The following FAM149A variants were observed in gnomAD, a reference collection of about 807,000 sequenced individuals.
FAM149A encodes family with sequence similarity 149 member A, also known as protein FAM149A.
Under a neutral mutation model 78.2 loss-of-function variants are expected in FAM149A, and 71 were observed. The ratio of observed to expected loss-of-function variants is 0.91; its 90% CI spans 0.75 to 1.11. FAM149A has a LOEUF of 1.11. Among genes scored for constraint, FAM149A ranks in the 50% least tolerant of loss-of-function variants. The pLI, the probability that FAM149A is intolerant of heterozygous loss-of-function variation, is 0.00. For missense variants in FAM149A, 1,036 were observed against 971.0 expected, an observed-to-expected ratio of 1.07 and a Z score of -0.89; for synonymous variants, 446 against 410.5, an observed-to-expected ratio of 1.09 and a Z score of -1.04.
intron 1 of FAM149A, among the ~76,000 whole-genome samples, chr4:186,124,741 T>A (rs916501424): frequency 3.3e-5 from 5 of 152,226 alleles, no homozygotes; most frequent in African/African-American, 1.2e-4. Context: ...CACGTGTCTT[T>A]ATAGCAGCAT....
In FAM149A at chr4:186,141,957, G is replaced by A. The variant is rs143211758; in HGVS notation, c.567-7216G>A. ...AAGGTATTGGCAGAGTGATGGAAGC[G>A]CCACTGGCTTGAACTAAAAGAGGCA... On this transcript the variant is annotated intron_variant, in intron 1 of 13. Coordinates refer to ENST00000389354, the MANE Select transcript of FAM149A (RefSeq NM_001367768.3). Among the ~76,000 whole-genome samples the A allele has an allele frequency of 6.7e-3, 1,020 of 152,248 alleles. 10 individuals carry two copies. Among genetic ancestry groups the A allele is most frequent in the African/African-American group, 0.021 (855 of 41,542 alleles).
At chr4:186,160,761 C>T (rs1734537929) in intron 8 of FAM149A, 1 of 955,766 alleles carries the variant, frequency 1.0e-6, no homozygotes, top group African/African-American at 2.1e-5. Flanking sequence ...ACACCACACA[C>T]ACACCACATC....
intron 8 of FAM149A, 34 bp from the exon 9 acceptor site, chr4:186,162,807 ATTCT>A (rs1734710698): frequency 1.0e-6 from 1 of 994,192 alleles, no homozygotes; most frequent in South Asian, 1.5e-5. Context: ...GGCATTTGTA[ATTCT>A]TTTTTTTTTT....
intron 1 of FAM149A, among the ~76,000 whole-genome samples, chr4:186,138,918 G>C (rs2099324629): frequency 6.6e-6 from 1 of 152,160 alleles, no homozygotes; most frequent in Admixed American, 6.5e-5. Flanking sequence ...TGCACTCTTG[G>C]AGAAGAAGGT....
At chr4:186,125,340 G>A (rs2099317853) in intron 1 of FAM149A, 1 of 985,122 alleles carries the variant, frequency 1.0e-6, no homozygotes, top group African/African-American at 1.7e-5. Flanking sequence ...GAGCCAGGAT[G>A]CCTGCTACAC....
intron 5 of FAM149A, among the ~76,000 whole-genome samples, chr4:186,154,098 G>A (rs78010443): frequency 0.016 from 2,436 of 152,282 alleles, 85 homozygotes; most frequent in African/African-American, 0.056. Flanking sequence ...TGGATTATAA[G>A]CCTCCAGGCG....
intron 1 of FAM149A, among the ~76,000 whole-genome samples, chr4:186,122,346 T>C (rs968588797): frequency 4.6e-5 from 7 of 152,224 alleles, no homozygotes; most frequent in Non-Finnish European, 7.3e-5. Context: ...TTTAAAAATA[T>C]AGCTATAGAA....
intron 1 of FAM149A, among the ~76,000 whole-genome samples, chr4:186,131,383 C>T (rs1229221266): frequency 6.6e-6 from 1 of 151,440 alleles, no homozygotes; most frequent in African/African-American, 2.4e-5. Flanking sequence ...CTCACTCTCC[C>T]ACTCTCCATG....
In FAM149A at chr4:186,175,011, GT is replaced by G. The variant is rs1220272866; in HGVS notation, c.*3026del. Among the ~76,000 whole-genome samples, 4 of 110,854 alleles carry G rather than the reference GT, an allele frequency of 3.6e-5. 1 individual carries two copies. The highest frequency in any genetic ancestry group is 1.1e-4 in the African/African-American group (4 of 35,612). 72.7% of individuals were successfully genotyped at this position (110,854 alleles called of 152,430 possible). On this transcript the variant is annotated 3_prime_UTR_variant, in exon 14 of 14. Transcript: ENST00000389354. ...TTGAATTACATTAATTAAAATGCCTGTTAGTTTATCCAAAACCAAAGAAAGA... is the reference window on the plus strand; with the variant it reads ...TTGAATTACATTAATTAAAATGCCTGTAGTTTATCCAAAACCAAAGAAAGA...
chr4:186,137,276 G>A (rs73027926), intron 1 of FAM149A, among the ~76,000 whole-genome samples: 1 of 151,340 alleles, frequency 6.6e-6, no homozygotes, highest in Non-Finnish European at 1.5e-5. Flanking sequence ...ATATAAAAGA[G>A]TAGCCACCTT....
chr4:186,163,702 A>C, intron 10 of FAM149A, 69 bp downstream of exon 10: 1 of 1,159,142 alleles, frequency 8.6e-7, no homozygotes, highest in South Asian at 1.3e-5. Flanking sequence ...GTTAGGGTTT[A>C]TGGATCATCC....
chr4:186,121,673 A>G (rs1472560992), intron 1 of FAM149A, among the ~76,000 whole-genome samples: 1 of 152,204 alleles, frequency 6.6e-6, no homozygotes, highest in Non-Finnish European at 1.5e-5. Flanking sequence ...CGGCCCTGAC[A>G]GCCGCTGCAC....
chr4:186,111,781 C>G (rs1485284549), intron 1 of FAM149A, among the ~76,000 whole-genome samples: 1 of 151,336 alleles, frequency 6.6e-6, no homozygotes, highest in African/African-American at 2.4e-5. Flanking sequence ...CAGTACCATG[C>G]TGTTTTGGTT....
rs529279373 is a variant in FAM149A, at chr4:186,160,050, A to AT, written c.1575+2332dup. ...CACACACCCCACACAAACACACCAC[A>AT]TACCATACACCACGCACACACCACA... On this transcript the variant is annotated intron_variant, in intron 8 of 13. Coordinates refer to ENST00000389354, the MANE Select transcript of FAM149A (RefSeq NM_001367768.3). Among the ~76,000 whole-genome samples the AT allele has an allele frequency of 5.0e-4, 53 of 106,424 alleles. 2 individuals are homozygous for AT. The South Asian group carries it at 0.016, about 33-fold the overall frequency. 69.8% of individuals were successfully genotyped at this position (106,424 alleles called of 152,430 possible). A position where few individuals can be genotyped will look rare whatever the true frequency, so the allele number is the denominator to read the frequency against.
At chr4:186,138,994 G>A (rs1432022191) in intron 1 of FAM149A, among the ~76,000 whole-genome samples, 2 of 152,292 alleles carry the variant, frequency 1.3e-5, no homozygotes, top group African/African-American at 4.8e-5. Flanking sequence ...TGGGAAATGT[G>A]CCTCTTCTCC....
Position 186,164,521 on chromosome 4 carries a change from T to G in FAM149A, c.1890-823T>G, listed in dbSNP as rs1391626365. On this transcript the variant is annotated intron_variant, in intron 10 of 13. Transcript: ENST00000389354. The surrounding 1 kb of genome is among the most constrained non-coding windows in gnomAD (Gnocchi z 4.0). The stretch of plus-strand genomic sequence containing the variant: ...CAGTCATAACCCCCCTTTCAGCTTT[T>G]TAATTGGTGACTGTTTCTTTCACAG... 19 of 981,180 alleles carry G rather than the reference T, an allele frequency of 1.9e-5. No individual in the cohort carries two copies. Among genetic ancestry groups the G allele is most frequent in the Non-Finnish European group, 2.3e-5 (19 of 826,148 alleles). 60.8% of individuals were successfully genotyped at this position (981,180 alleles called of 1,614,324 possible). A position where few individuals can be genotyped will look rare whatever the true frequency, so the allele number is the denominator to read the frequency against.
intron 1 of FAM149A, chr4:186,127,621 T>A (rs1357364959): frequency 1.0e-6 from 1 of 985,362 alleles, no homozygotes; most frequent in Non-Finnish European, 1.2e-6. Flanking sequence ...GTTATATTCC[T>A]TACTCTTCAG....
chr4:186,151,407 T>A (rs375497212), intron 3 of FAM149A, among the ~76,000 whole-genome samples: 4 of 152,236 alleles, frequency 2.6e-5, no homozygotes, highest in African/African-American at 7.2e-5. Context: ...GGATTTTTTT[T>A]TCCAGTTCAT....
chr4:186,109,356 C>T, intron 1 of FAM149A: 2 of 660,642 alleles, frequency 3.0e-6, no homozygotes, highest in Non-Finnish European at 3.7e-6. Context: ...AATCACATTA[C>T]TGTGGAAACA....
Sources: allele counts gnomAD v4.1 joint callset (sites outside exome capture counted in the v4.1 genomes callset), GRCh38; gene constraint gnomAD v4.1.1; non-coding constraint Gnocchi (gnomAD v3.1); transcripts MANE v1.5; gene names NCBI Gene and HGNC (gene_info 2026-07-23, HGNC 2026-07-21).